Variants in KAT2B observed in about 807,000 individuals in gnomAD.
The protein encoded by KAT2B is histone acetyltransferase KAT2B.
In KAT2B, 36 loss-of-function variants were observed where a neutral mutation model predicts 105.9. That is an observed-to-expected ratio of 0.34 (90% CI 0.26 to 0.45). The LOEUF is 0.45. KAT2B is among the 20% of genes least tolerant of loss of function. KAT2B has a pLI of 1.00. For missense variants in KAT2B, 820 were observed against 1,021.6 expected (o/e 0.80, Z 2.69); for synonymous variants, 397 against 377.9 (o/e 1.05, Z -0.59).
chr3:20,073,974 G>A (rs1167519225), intron 2 of KAT2B, among the ~76,000 whole-genome samples: 1 of 152,166 alleles, frequency 6.6e-6, no homozygotes, highest in African/African-American at 2.4e-5. Flanking sequence ...ACACATGAAT[G>A]CCTGAAGGCA....
chr3:20,073,472 A>G (rs1698362931), intron 2 of KAT2B, among the ~76,000 whole-genome samples: 2 of 152,214 alleles, frequency 1.3e-5, no homozygotes, highest in South Asian at 4.1e-4. Context: ...CTCAGAGAGT[A>G]TTTCAATATT....
At chr3:20,069,644 G>A (rs987830242) in intron 1 of KAT2B, among the ~76,000 whole-genome samples, 7 of 151,470 alleles carry the variant, frequency 4.6e-5, no homozygotes, top group African/African-American at 7.3e-5. Flanking sequence ...TCCTGCCTCA[G>A]CCTCCTGAGT....
chr3:20,104,890 G>T (rs200804615), intron 5 of KAT2B, among the ~76,000 whole-genome samples: 139 of 143,654 alleles, frequency 9.7e-4, no homozygotes, highest in Non-Finnish European at 7.2e-4. Context: ...TTGTTTTTTT[G>T]TTTTTTTTTT....
At chr3:20,073,025 C>T (rs1158604422) in intron 2 of KAT2B, among the ~76,000 whole-genome samples, 92 of 152,196 alleles carry the variant, frequency 6.0e-4, no homozygotes, top group Admixed American at 6.5e-5. Flanking sequence ...TAATCATTGT[C>T]AGTGATGGCT....
At chr3:20,134,412 G>A (rs1699564688) in intron 11 of KAT2B, among the ~76,000 whole-genome samples, 1 of 151,046 alleles carries the variant, frequency 6.6e-6, no homozygotes, top group African/African-American at 2.5e-5. Context: ...TGTTGTTGTT[G>A]TTTGAGACGG....
intron 2 of KAT2B, among the ~76,000 whole-genome samples, chr3:20,072,800 C>G (rs779285255): frequency 6.6e-6 from 1 of 152,170 alleles, no homozygotes; most frequent in Non-Finnish European, 1.5e-5. Context: ...GGTCTTTGAC[C>G]TCAGGGTTGA....
rs1338627956 is a variant in KAT2B, at chr3:20,062,148, A to ATAT, written c.304-10185_304-10184insTAT. On this transcript the variant is annotated intron_variant, in intron 1 of 17. Transcript: ENST00000263754. ...TATATATATAAAATATATAATATAT[A>ATAT]AAAATATATAATATATAATATATAT... Among the ~76,000 whole-genome samples the ATAT allele has an allele frequency of 5.9e-4, 55 of 93,568 alleles. 5 individuals carry two copies. Among genetic ancestry groups the ATAT allele is most frequent in the African/African-American group, 2.5e-3 (54 of 21,566 alleles). 61.4% of individuals were successfully genotyped at this position (93,568 alleles called of 152,430 possible). A position where few individuals can be genotyped will look rare whatever the true frequency, so the allele number is the denominator to read the frequency against.
chr3:20,129,112 T>C (rs1459956802), intron 11 of KAT2B, among the ~76,000 whole-genome samples: 1 of 151,824 alleles, frequency 6.6e-6, no homozygotes, highest in Non-Finnish European at 1.5e-5. Flanking sequence ...AGAAAAATTA[T>C]TGGAAGGTCT....
At chr3:20,080,667 A>G (rs905306479) in intron 2 of KAT2B, among the ~76,000 whole-genome samples, 5 of 152,210 alleles carry the variant, frequency 3.3e-5, no homozygotes, top group Admixed American at 6.5e-5. Flanking sequence ...TTTATAATCT[A>G]TACCTGCTGT....
At chr3:20,066,737 C>T (rs1482164050) in intron 1 of KAT2B, among the ~76,000 whole-genome samples, 1 of 151,372 alleles carries the variant, frequency 6.6e-6, no homozygotes, top group Non-Finnish European at 1.5e-5. Flanking sequence ...ATTTAACCCA[C>T]TGCACCGCAT....
intron 2 of KAT2B, among the ~76,000 whole-genome samples, chr3:20,092,640 C>T (rs1698742924): frequency 1.3e-5 from 2 of 151,762 alleles, no homozygotes; most frequent in Non-Finnish European, 2.9e-5. Context: ...TTGTTATATC[C>T]TCTTGATGAA....
intron 2 of KAT2B, among the ~76,000 whole-genome samples, chr3:20,091,571 G>A (rs1462150213): frequency 1.3e-5 from 2 of 152,032 alleles, no homozygotes; most frequent in East Asian, 1.9e-4. Flanking sequence ...GTTCTTTGAG[G>A]TGTAACATTA....
chr3:20,122,376 G>A (rs113456299), intron 8 of KAT2B, among the ~76,000 whole-genome samples: 2,541 of 152,284 alleles, frequency 0.017, 29 homozygotes, highest in Admixed American at 0.027. Flanking sequence ...ACAAACAATA[G>A]CTAGAATCAC....
At chr3:20,078,958 A>G (rs1004121091) in intron 2 of KAT2B, among the ~76,000 whole-genome samples, 9 of 148,678 alleles carry the variant, frequency 6.1e-5, no homozygotes, top group Non-Finnish European at 1.0e-4. Context: ...ATCTCAGCTC[A>G]CTGCAACTTC....
Position 20,153,986 on chromosome 3 carries a change from C to T in KAT2B, c.*1461C>T, listed in dbSNP as rs568403092. On this transcript the variant is annotated 3_prime_UTR_variant, in exon 18 of 18. Transcript: ENST00000263754. ...GTAAGAGATATTCAGAATGCTCACA[C>T]TGAAAATGCCTCAACTTTTTAAAGT... 3 of 152,698 alleles carry T rather than the reference C, an allele frequency of 2.0e-5. No homozygotes were observed. In the South Asian group the frequency reaches 6.2e-4, roughly 32 times the overall value. The allele number at this position is 152,698 out of a possible 1,614,324, so 9.5% of individuals were successfully genotyped here.
chr3:20,103,352 A>ATT (rs1698942344), intron 5 of KAT2B, among the ~76,000 whole-genome samples: 1 of 152,154 alleles, frequency 6.6e-6, no homozygotes, highest in African/African-American at 2.4e-5. Flanking sequence ...TTTCATCAAG[A>ATT]AAAAGGAGAA....
intron 2 of KAT2B, among the ~76,000 whole-genome samples, chr3:20,077,794 G>A (rs1293363206): frequency 1.3e-5 from 2 of 152,262 alleles, no homozygotes. Context: ...TTGACAAAGG[G>A]ATCTAACAAA....
At chr3:20,113,625 G>A (rs543902536) in intron 6 of KAT2B, among the ~76,000 whole-genome samples, 192 of 152,164 alleles carry the variant, frequency 1.3e-3, no homozygotes, top group Non-Finnish European at 2.1e-3. Context: ...AGGCTATTGG[G>A]GATTTATACC....
At chr3:20,092,299 G>A (rs1051804298) in intron 2 of KAT2B, among the ~76,000 whole-genome samples, 1 of 151,280 alleles carries the variant, frequency 6.6e-6, no homozygotes, top group African/African-American at 2.4e-5. Flanking sequence ...CATGATCTAG[G>A]CTCACTGCAG....
Sources: allele counts gnomAD v4.1 joint callset (sites outside exome capture counted in the v4.1 genomes callset), GRCh38; gene constraint gnomAD v4.1.1; transcripts MANE v1.5; gene names NCBI Gene and HGNC (gene_info 2026-07-23, HGNC 2026-07-21).